ASTN1: variants seen among roughly 807,000 people sequenced by gnomAD.
ASTN1 encodes astrotactin 1, also known as astrotactin-1.
ASTN1 carries 41 observed loss-of-function variants against 140.7 expected under a neutral mutation model. That is an observed-to-expected ratio of 0.29 (90% CI 0.23 to 0.38). The LOEUF (loss-of-function observed/expected upper bound fraction) is 0.38. ASTN1 is among the 10% of genes least tolerant of loss of function. ASTN1 has a pLI of 1.00. For missense variants in ASTN1, 1,479 were observed against 1,678.8 expected, an observed-to-expected ratio of 0.88 and a Z score of 2.08; for synonymous variants, 640 against 652.2, an observed-to-expected ratio of 0.98 and a Z score of 0.29.
chr1:177,109,717 T>C (rs938649959), intron 1 of ASTN1, among the ~76,000 whole-genome samples: 2 of 152,130 alleles, frequency 1.3e-5, no homozygotes, highest in Admixed American at 6.5e-5. Flanking sequence ...AAAGCAAAAA[T>C]GGGTTCTCAT....
At chr1:177,002,792 G>T (rs182739678) in intron 8 of ASTN1, among the ~76,000 whole-genome samples, 129 of 152,074 alleles carry the variant, frequency 8.5e-4, no homozygotes, top group East Asian at 3.1e-3. Context: ...GAAATTGTAG[G>T]TGAAATAAAT....
At chr1:177,105,599 T>C (rs1370794185) in intron 1 of ASTN1, among the ~76,000 whole-genome samples, 1 of 151,890 alleles carries the variant, frequency 6.6e-6, no homozygotes, top group African/African-American at 2.4e-5. Flanking sequence ...CATCCCACTG[T>C]AAATTACATT....
chr1:177,004,383 T>C lies in ASTN1; in HGVS notation c.1523+10408A>G, dbSNP rs374641954. 1.9e-3 allele frequency among the ~76,000 whole-genome samples: 286 copies of C among 152,174 alleles called. 3 individuals carry two copies. The highest frequency in any genetic ancestry group is 6.3e-3 in the African/African-American group (262 of 41,516). On this transcript the variant is annotated intron_variant, in intron 8 of 22. Coordinates refer to ENST00000361833, the MANE Select transcript of ASTN1 (RefSeq NM_004319.3). The stretch of plus-strand genomic sequence containing the variant: ...ATTGGAAGAACCAATATCATGAAAA[T>C]GACCATACTGCCCAAAGCAACCTAC...
chr1:177,128,281 A>C (rs994053170), intron 1 of ASTN1, among the ~76,000 whole-genome samples: 5 of 152,132 alleles, frequency 3.3e-5, no homozygotes, highest in African/African-American at 9.7e-5. Context: ...CCTCACCCCA[A>C]ATTTTCTTAT....
intron 16 of ASTN1, among the ~76,000 whole-genome samples, chr1:176,926,062 C>T (rs1319606836): frequency 6.6e-6 from 1 of 152,136 alleles, no homozygotes; most frequent in South Asian, 2.1e-4. Context: ...CCGCCTTGGC[C>T]TCCCAGAGTG....
chr1:177,021,727 A>T (rs1011606931), intron 7 of ASTN1, among the ~76,000 whole-genome samples: 16 of 152,158 alleles, frequency 1.1e-4, no homozygotes, highest in African/African-American at 3.6e-4. Flanking sequence ...TTTAAAATCC[A>T]AGTAGGAGCA....
chr1:177,035,726 A>G (rs1676682214), intron 2 of ASTN1, among the ~76,000 whole-genome samples: 1 of 152,174 alleles, frequency 6.6e-6, no homozygotes, highest in Non-Finnish European at 1.5e-5. Flanking sequence ...TTCTGATGAA[A>G]AAACCAAGGC....
At chr1:177,000,692 G>A (rs532995752) in intron 8 of ASTN1, among the ~76,000 whole-genome samples, 34 of 152,168 alleles carry the variant, frequency 2.2e-4, no homozygotes, top group Non-Finnish European at 3.8e-4. Flanking sequence ...TCCAAAGGAC[G>A]GAGCTGACCA....
intron 8 of ASTN1, among the ~76,000 whole-genome samples, chr1:176,996,285 TCTCTCA>T (rs1238429593): frequency 8.2e-6 from 1 of 121,964 alleles, no homozygotes; most frequent in Non-Finnish European, 1.8e-5. Flanking sequence ...TCTCTCTCTC[TCTCTCA>T]CACACACACA....
chr1:176,990,482 G>A (rs76803678), intron 8 of ASTN1, among the ~76,000 whole-genome samples: 12 of 151,664 alleles, frequency 7.9e-5, no homozygotes, highest in Middle Eastern at 3.4e-3. Context: ...GGGAGAATAA[G>A]TAGAGAAAAA....
chr1:176,908,071 T>C (rs1208487723), intron 16 of ASTN1, among the ~76,000 whole-genome samples: 1 of 152,100 alleles, frequency 6.6e-6, no homozygotes, highest in Non-Finnish European at 1.5e-5. Flanking sequence ...GGCTACCTTG[T>C]TACTTTGCCC....
chr1:176,927,639 A>C (rs553004030), intron 16 of ASTN1, among the ~76,000 whole-genome samples: 64 of 152,290 alleles, frequency 4.2e-4, no homozygotes, highest in Admixed American at 1.6e-3. Context: ...TCCTTTAACA[A>C]AATGTGGATG....
chr1:176,943,709 TATC>T (rs1315109246), intron 14 of ASTN1, among the ~76,000 whole-genome samples, 179 bp downstream of exon 14: 4 of 152,194 alleles, frequency 2.6e-5, no homozygotes, highest in African/African-American at 9.6e-5. Flanking sequence ...TATATGATAA[TATC>T]AACAATTTTA....
chr1:176,939,280 C>T (rs1272758342), intron 14 of ASTN1, among the ~76,000 whole-genome samples: 1 of 152,136 alleles, frequency 6.6e-6, no homozygotes, highest in Non-Finnish European at 1.5e-5. Context: ...ACTTCCTCGG[C>T]TTTTAAGTCC....
intron 8 of ASTN1, chr1:176,976,819 A>G (rs989241189): frequency 2.6e-5 from 4 of 152,236 alleles, no homozygotes; most frequent in African/African-American, 9.6e-5. Flanking sequence ...CAATGGGCAC[A>G]GTCTGCCATG....
chr1:177,041,564 G>T (rs1676973562), intron 2 of ASTN1, among the ~76,000 whole-genome samples: 1 of 152,182 alleles, frequency 6.6e-6, no homozygotes, highest in Non-Finnish European at 1.5e-5. Flanking sequence ...AATATCGCCA[G>T]CTGGATAATG....
At chr1:177,069,176 A>T (rs114547792) in intron 1 of ASTN1, among the ~76,000 whole-genome samples, 1 of 152,098 alleles carries the variant, frequency 6.6e-6, no homozygotes, top group East Asian at 1.9e-4. Flanking sequence ...TGAAACTCCA[A>T]TCAACAGTCC....
chr1:177,008,519 T>A (rs111549221), intron 8 of ASTN1, among the ~76,000 whole-genome samples: 1 of 35,934 alleles, frequency 2.8e-5, no homozygotes, highest in Non-Finnish European at 6.1e-5. Context: ...GAGCGGGAGA[T>A]AGGAAGAGGG....
At chr1:176,907,888 G>T (rs1460548445) in intron 16 of ASTN1, among the ~76,000 whole-genome samples, 1 of 152,136 alleles carries the variant, frequency 6.6e-6, no homozygotes, top group Non-Finnish European at 1.5e-5. Flanking sequence ...CCAAAAGAAG[G>T]TGCTGTGGTT....
Sources: gnomAD v4.1 joint callset for allele counts (sites outside exome capture counted in the v4.1 genomes callset) on GRCh38, gnomAD v4.1.1 for gene constraint, MANE v1.5 for transcripts, NCBI Gene and HGNC (gene_info 2026-07-23, HGNC 2026-07-21) for gene names.